PLEKHM1: variants seen among roughly 807,000 people sequenced by gnomAD.
PLEKHM1 encodes pleckstrin homology and RUN domain containing M1.
PLEKHM1 carries 28 observed loss-of-function variants against 94.3 expected under a neutral mutation model. The ratio of observed to expected loss-of-function variants is 0.30; its 90% CI spans 0.22 to 0.41. The LOEUF (loss-of-function observed/expected upper bound fraction) is 0.41, where lower values mean the gene tolerates loss of function less well. PLEKHM1 is among the 10% of genes least tolerant of loss of function. The probability of loss-of-function intolerance (pLI) is 1.00; values close to 1 mark genes in which losing one functional copy is unlikely to be tolerated. For synonymous variants in PLEKHM1, 424 were observed against 581.2 expected, an observed-to-expected ratio of 0.73 and a Z score of 3.89; for missense variants, 907 against 1,358.6, an observed-to-expected ratio of 0.67 and a Z score of 5.22.
At chr17:45,442,233 C>G (rs2050470885) in intron 9 of PLEKHM1, among the ~76,000 whole-genome samples, 1 of 152,170 alleles carries the variant, frequency 6.6e-6, no homozygotes, top group Admixed American at 6.5e-5. Context: ...CAGCTCCTCC[C>G]TGACTCCCTG....
intron 6 of PLEKHM1, among the ~76,000 whole-genome samples, chr17:45,456,726 C>T (rs976639492): frequency 6.6e-6 from 1 of 152,220 alleles, no homozygotes; most frequent in East Asian, 1.9e-4. Context: ...TGGGTCACTG[C>T]AGACAGAAAA....
chr17:45,451,916 G>A (rs866992380), intron 7 of PLEKHM1, among the ~76,000 whole-genome samples: 71 of 152,358 alleles, frequency 4.7e-4, no homozygotes, highest in Middle Eastern at 6.8e-3. Flanking sequence ...GAGGTCAAGC[G>A]AGGCTTGCAG....
chr17:45,455,658 T>G (rs1294264397), intron 6 of PLEKHM1, among the ~76,000 whole-genome samples: 1 of 152,154 alleles, frequency 6.6e-6, no homozygotes, highest in Non-Finnish European at 1.5e-5. Context: ...GCAGCCTACA[T>G]CAGCAAATCC....
At chr17:45,470,658 G>GTT (rs538863098) in intron 4 of PLEKHM1, among the ~76,000 whole-genome samples, 2 of 142,564 alleles carry the variant, frequency 1.4e-5, no homozygotes, top group Non-Finnish European at 1.5e-5. Flanking sequence ...CGTTTGTGTG[G>GTT]TTTTTTTTTT....
intron 11 of PLEKHM1, 65 bp downstream of exon 11, chr17:45,439,412 T>C: frequency 6.4e-7 from 1 of 1,573,318 alleles, no homozygotes. Context: ...CCTGCGTGCT[T>C]GGGCCAGGCT....
Position 45,437,257 on chromosome 17 carries a change from A to C in PLEKHM1, c.*601T>G, listed in dbSNP as rs1376079579. On this transcript the variant is annotated 3_prime_UTR_variant, in exon 12 of 12. Coordinates refer to ENST00000430334, the MANE Select transcript of PLEKHM1 (RefSeq NM_014798.3). The surrounding 1 kb of genome is among the most constrained non-coding windows in gnomAD (Gnocchi z 4.0). ...CTGCCCTGCTGAGGGGCGGTTTGGC[A>C]CTGGCAGTGAGGGCCAAGGAAAGGC... 3 of 454,050 alleles carry C rather than the reference A, an allele frequency of 6.6e-6. No individual in the cohort carries two copies. Among genetic ancestry groups the C allele is most frequent in the Non-Finnish European group, 1.3e-5 (3 of 226,738 alleles). 28.1% of individuals were successfully genotyped at this position (454,050 alleles called of 1,614,324 possible). A position where few individuals can be genotyped will look rare whatever the true frequency, so the allele number is the denominator to read the frequency against.
chr17:45,435,365 G>A (rs571387404), downstream of PLEKHM1, among the ~76,000 whole-genome samples: 3 of 152,334 alleles, frequency 2.0e-5, no homozygotes, highest in African/African-American at 7.2e-5. Flanking sequence ...TCCCCTTGGA[G>A]GGGTCCCCTG....
At chr17:45,482,671 A>G in intron 1 of PLEKHM1, 146 bp from the exon 2 acceptor site, 2 of 684,666 alleles carry the variant, frequency 2.9e-6, no homozygotes, top group Non-Finnish European at 5.4e-6. Flanking sequence ...AAAAACTGAT[A>G]ATAGATTTGA....
chr17:45,468,550 T>C lies in PLEKHM1; in HGVS notation c.967A>G (p.Thr323Ala), dbSNP rs1441094951. 2.5e-6 allele frequency: 4 copies of C among 1,614,192 alleles called. No individual in the cohort carries two copies. Among genetic ancestry groups the C allele is most frequent in the Non-Finnish European group, 3.4e-6 (4 of 1,180,028 alleles). Residue 323 changes from threonine (T) to alanine (A), a missense_variant, in exon 5 of 12, where the codon ACC (threonine) becomes GCC (alanine). Physicochemically the swap from Thr to Ala is moderately conservative, Grantham distance 58. Coordinates refer to ENST00000430334, the MANE Select transcript of PLEKHM1 (RefSeq NM_014798.3). ...FSKAQVNSVP[T>A]NGLSQETEIP... The stretch of plus-strand genomic sequence containing the variant: ...TCTGTTTCTTGGCTCAGTCCGTTGG[T>C]TGGCACAGAGTTTACCTGGGCTTTG...
intron 4 of PLEKHM1, among the ~76,000 whole-genome samples, chr17:45,469,409 T>G (rs1290163123): frequency 6.6e-6 from 1 of 152,200 alleles, no homozygotes; most frequent in Non-Finnish European, 1.5e-5. Context: ...CCCTCTGGAA[T>G]GTGCACTGAC....
intron 4 of PLEKHM1, 107 bp from the exon 5 acceptor site, chr17:45,468,700 C>G: frequency 2.7e-6 from 3 of 1,097,542 alleles, no homozygotes; most frequent in Non-Finnish European, 4.1e-6. Context: ...TGATTTAAAA[C>G]AACCCACACC....
intron 5 of PLEKHM1, among the ~76,000 whole-genome samples, chr17:45,467,734 C>T (rs551988154): frequency 4.6e-5 from 7 of 152,240 alleles, no homozygotes; most frequent in African/African-American, 1.7e-4. Context: ...GCACTCCAGC[C>T]TGGGCAACAG....
At chr17:45,438,739 T>G (rs2050348359) in intron 11 of PLEKHM1, among the ~76,000 whole-genome samples, 1 of 151,932 alleles carries the variant, frequency 6.6e-6, no homozygotes, top group African/African-American at 2.4e-5. Context: ...GTGTTTTTAG[T>G]GGAGACGGGG....
At chr17:45,477,659 A>G in intron 3 of PLEKHM1, 3 of 563,904 alleles carry the variant, frequency 5.3e-6, no homozygotes, top group Non-Finnish European at 9.5e-6. Context: ...GACCAGTCTC[A>G]AAGCAGCCAC....
At chr17:45,481,423 T>C (rs1457389355) in intron 2 of PLEKHM1, among the ~76,000 whole-genome samples, 2 of 151,206 alleles carry the variant, frequency 1.3e-5, no homozygotes, top group East Asian at 1.9e-4. Flanking sequence ...TAATTTTAAA[T>C]GTTCTTTTAA....
chr17:45,472,037 C>A (rs2051529508), intron 4 of PLEKHM1, among the ~76,000 whole-genome samples: 2 of 152,182 alleles, frequency 1.3e-5, no homozygotes, highest in African/African-American at 4.8e-5. Flanking sequence ...GTCTTTTATG[C>A]TTTTCTTTAT....
At chr17:45,464,883 TAA>T in intron 5 of PLEKHM1, among the ~76,000 whole-genome samples, 1 of 152,288 alleles carries the variant, frequency 6.6e-6, no homozygotes, top group South Asian at 2.1e-4. Flanking sequence ...TCCATAATCT[TAA>T]GTTTCACATT....
intron 1 of PLEKHM1, among the ~76,000 whole-genome samples, chr17:45,486,270 C>CAAAT (rs1048173835): frequency 4.1e-5 from 6 of 146,814 alleles, no homozygotes; most frequent in South Asian, 2.1e-4. Flanking sequence ...ATTTATGTCT[C>CAAAT]AAATAAATAA....
intron 4 of PLEKHM1, among the ~76,000 whole-genome samples, chr17:45,473,299 AAG>A (rs922217286): frequency 6.6e-6 from 1 of 152,176 alleles, no homozygotes; most frequent in African/African-American, 2.4e-5. Flanking sequence ...TAGAAAAAAA[AAG>A]AATGAGGCTG....
Sources: allele counts gnomAD v4.1 joint callset (sites outside exome capture counted in the v4.1 genomes callset), GRCh38; gene constraint gnomAD v4.1.1; non-coding constraint Gnocchi (gnomAD v3.1); transcripts MANE v1.5; gene names NCBI Gene and HGNC (gene_info 2026-07-23, HGNC 2026-07-21).